PRKCQ: variants seen among roughly 807,000 people sequenced by gnomAD.
PRKCQ encodes protein kinase C theta, also known as protein kinase C theta type.
PRKCQ carries 41 observed loss-of-function variants against 91.2 expected under a neutral mutation model. That is an observed-to-expected ratio of 0.45 (90% CI 0.35 to 0.58). The LOEUF (loss-of-function observed/expected upper bound fraction) is 0.58, where lower values mean the gene tolerates loss of function less well. Ranked by LOEUF, PRKCQ falls within the 20% of genes least tolerant of loss-of-function variation. The pLI, the probability that PRKCQ is intolerant of heterozygous loss-of-function variation, is 0.00. For synonymous variants in PRKCQ, 307 were observed against 316.9 expected (o/e 0.97, Z 0.33); for missense variants, 673 against 896.5 (o/e 0.75, Z 3.18).
At chr10:6,531,942 A>G (rs1839413351) in intron 1 of PRKCQ, among the ~76,000 whole-genome samples, 1 of 152,212 alleles carries the variant, frequency 6.6e-6, no homozygotes, top group South Asian at 2.1e-4. Flanking sequence ...CCTAATTAGC[A>G]GCAGGAAGGG....
At chr10:6,462,974 C>T (rs990616305) in intron 13 of PRKCQ, among the ~76,000 whole-genome samples, 1 of 147,404 alleles carries the variant, frequency 6.8e-6, no homozygotes, top group Non-Finnish European at 1.5e-5. Flanking sequence ...CACTGCACTC[C>T]AGCATGGACG....
chr10:6,512,966 G>A (rs991364465), intron 2 of PRKCQ, among the ~76,000 whole-genome samples: 1 of 152,102 alleles, frequency 6.6e-6, no homozygotes, highest in Non-Finnish European at 1.5e-5. Context: ...CAGACCTGAA[G>A]CTTCCCTTTC....
chr10:6,531,855 C>T (rs767064289), intron 1 of PRKCQ, among the ~76,000 whole-genome samples: 6 of 151,880 alleles, frequency 4.0e-5, no homozygotes, highest in Non-Finnish European at 5.9e-5. Flanking sequence ...CCTTATTGAT[C>T]TCGTGGTCTG....
At chr10:6,425,096 G>A (rs1206627282), downstream of PRKCQ, among the ~76,000 whole-genome samples, 2 of 152,170 alleles carry the variant, frequency 1.3e-5, no homozygotes, top group Non-Finnish European at 2.9e-5. Context: ...GCTGATTGGT[G>A]GATGTCGCTG....
chr10:6,511,494 C>T (rs1372905854), intron 2 of PRKCQ, among the ~76,000 whole-genome samples: 2 of 152,212 alleles, frequency 1.3e-5, no homozygotes, highest in African/African-American at 4.8e-5. Flanking sequence ...AGTTCTGCTG[C>T]TCACCGCACA....
At chr10:6,577,846 G>A (rs12263457) in intron 1 of PRKCQ, among the ~76,000 whole-genome samples, 9 of 152,076 alleles carry the variant, frequency 5.9e-5, no homozygotes, top group Non-Finnish European at 1.0e-4. Flanking sequence ...TAAATAACAC[G>A]TTATAAGGAG....
At chr10:6,560,338 C>T (rs775423901) in intron 1 of PRKCQ, among the ~76,000 whole-genome samples, 16 of 152,102 alleles carry the variant, frequency 1.1e-4, no homozygotes, top group Admixed American at 3.3e-4. Flanking sequence ...CGGCGTGCTA[C>T]AGGCAGTCAT....
At chr10:6,579,821 A>G (rs1013696647) in intron 1 of PRKCQ, among the ~76,000 whole-genome samples, 2 of 142,766 alleles carry the variant, frequency 1.4e-5, no homozygotes, top group Admixed American at 1.5e-4. Context: ...TCTCCAGAAA[A>G]CATGTTTCCT....
intron 11 of PRKCQ, among the ~76,000 whole-genome samples, chr10:6,479,767 T>TAAAAAAAAAAAAAA (rs34610362): frequency 2.6e-5 from 1 of 38,988 alleles, no homozygotes; most frequent in Non-Finnish European, 4.3e-5. Context: ...CCGTCTCGAC[T>TAAAAAAAAAAAAAA]AAAAAAAAAA....
chr10:6,488,344 CA>C (rs1170950829), intron 8 of PRKCQ, among the ~76,000 whole-genome samples: 1 of 151,590 alleles, frequency 6.6e-6, no homozygotes, highest in Non-Finnish European at 1.5e-5. Flanking sequence ...TCAAATAGCT[CA>C]ATAATAAAAT....
chr10:6,442,211 C>T, intron 15 of PRKCQ, 130 bp from the exon 16 acceptor site: 1 of 901,638 alleles, frequency 1.1e-6, no homozygotes, highest in East Asian at 2.7e-5. Flanking sequence ...CACCCTGAAA[C>T]CCATCTCTTG....
In PRKCQ at chr10:6,580,240, G is replaced by C. The variant is rs1841420592; in HGVS notation, c.-39C>G. 6.6e-6 allele frequency: 1 copy of C among 151,632 alleles called. No individual in the cohort carries two copies. Among genetic ancestry groups the C allele is most frequent in the South Asian group, 1.9e-4 (1 of 5,290 alleles). The allele number at this position is 151,632 out of a possible 1,614,324, so 9.4% of individuals were successfully genotyped here. On this transcript the variant is annotated 5_prime_UTR_variant, in exon 1 of 18. Coordinates refer to ENST00000263125, the MANE Select transcript of PRKCQ (RefSeq NM_006257.5). The stretch of plus-strand genomic sequence containing the variant: ...AGCGAGCACGGCGCCGCTGCTGCCC[G>C]GTGGCGCTGGGACTGCGCGGGGACT...
chr10:6,423,593 A>G (rs1237495597), downstream of PRKCQ, among the ~76,000 whole-genome samples: 1 of 152,130 alleles, frequency 6.6e-6, no homozygotes, highest in South Asian at 2.1e-4. Context: ...ACCCCTCAGT[A>G]ACTCCGGGAA....
intron 10 of PRKCQ, among the ~76,000 whole-genome samples, chr10:6,484,883 C>T (rs527879078): frequency 2.6e-4 from 39 of 152,342 alleles, no homozygotes; most frequent in African/African-American, 9.1e-4. Flanking sequence ...CCATTTGACA[C>T]TGACAGAATG....
At chr10:6,520,429 A>G (rs1838956787) in intron 1 of PRKCQ, among the ~76,000 whole-genome samples, 1 of 152,108 alleles carries the variant, frequency 6.6e-6, no homozygotes, top group South Asian at 2.1e-4. Flanking sequence ...GTCACCTCTC[A>G]GTCTCCATCC....
At chr10:6,548,190 C>T (rs1166821439) in intron 1 of PRKCQ, among the ~76,000 whole-genome samples, 2 of 150,682 alleles carry the variant, frequency 1.3e-5, no homozygotes, top group Non-Finnish European at 3.0e-5. Context: ...GAGATACCAT[C>T]TCACACCAGT....
chr10:6,509,516 C>T (rs1838364297), intron 3 of PRKCQ, among the ~76,000 whole-genome samples: 1 of 152,242 alleles, frequency 6.6e-6, no homozygotes. Context: ...TCAAGTGATT[C>T]TCCTGCCTCA....
chr10:6,483,715 T>C (rs1836743321), intron 10 of PRKCQ, 115 bp from the exon 11 acceptor site: 1 of 1,264,336 alleles, frequency 7.9e-7, no homozygotes, highest in Non-Finnish European at 1.1e-6. Flanking sequence ...TCATAGTAAT[T>C]GGGGGTGTTT....
chr10:6,403,850 G>C, the PRKCQ span, among the ~76,000 whole-genome samples: 19 of 151,860 alleles, frequency 1.3e-4, no homozygotes, highest in Non-Finnish European at 2.2e-4. Context: ...AAAAATGAAT[G>C]AGTAATCATT....
Sources: allele counts gnomAD v4.1 joint callset (sites outside exome capture counted in the v4.1 genomes callset), GRCh38; gene constraint gnomAD v4.1.1; transcripts MANE v1.5; gene names NCBI Gene and HGNC (gene_info 2026-07-23, HGNC 2026-07-21).